TTC34: variants seen among roughly 807,000 people sequenced by gnomAD.
The protein encoded by TTC34 is tetratricopeptide repeat domain 34.
In TTC34, 44 loss-of-function variants were observed where a neutral mutation model predicts 40.7. The ratio of observed to expected loss-of-function variants is 1.08; its 90% CI spans 0.85 to 1.39. The LOEUF (loss-of-function observed/expected upper bound fraction) is 1.39. TTC34 is among the 40% of genes most tolerant of loss of function. The pLI is 0.00. For missense variants in TTC34, 884 were observed against 838.0 expected (o/e 1.05, Z -0.68); for synonymous variants, 422 against 398.6 (o/e 1.06, Z -0.70).
At chr1:2,693,988 A>C (rs199618699) in intron 6 of TTC34, among the ~76,000 whole-genome samples, 630 of 18,640 alleles carry the variant, frequency 0.034, 2 homozygotes, top group Middle Eastern at 0.071. Flanking sequence ...GCACGCACAC[A>C]CCCAGGTGAG....
intron 6 of TTC34, among the ~76,000 whole-genome samples, chr1:2,748,975 T>C (rs1641231692): frequency 1.7e-5 from 2 of 120,864 alleles, no homozygotes; most frequent in African/African-American, 3.5e-5. Flanking sequence ...CAGGTGAGCA[T>C]CTGACGGCCT....
chr1:2,648,810 T>C (rs981153082), intron 6 of TTC34, among the ~76,000 whole-genome samples: 8 of 140,988 alleles, frequency 5.7e-5, no homozygotes, highest in Non-Finnish European at 1.2e-4. Flanking sequence ...CACAGGTGAG[T>C]GTGGGACAGA....
chr1:2,659,536 C>CGA (rs1639464097), intron 6 of TTC34, among the ~76,000 whole-genome samples: 1 of 107,706 alleles, frequency 9.3e-6, no homozygotes, highest in Non-Finnish European at 2.1e-5. Context: ...ACCCATGGAG[C>CGA]AGCACACACG....
intron 6 of TTC34, among the ~76,000 whole-genome samples, chr1:2,759,619 GCCTGGA>G (rs1641625332): frequency 6.6e-6 from 1 of 152,146 alleles, no homozygotes; most frequent in African/African-American, 2.4e-5. Context: ...GCATCCGCCA[GCCTGGA>G]ACAGCACCCA....
At position 2,645,600 on chromosome 1, in the gene TTC34, C is replaced by T; in HGVS notation, c.2227-37G>A. On this transcript the variant is annotated intron_variant, in intron 6 of 8. Transcript: ENST00000401095. This position sits in a 1 kb window ranked among gnomAD's most constrained non-coding sequence, Gnocchi z 4.7. ...GAGGGCGGGCGGGTGCAGAGTTGTCCTAAGTAGAGAAACTGGGCAGAGGGT... is the reference window on the plus strand; with the variant it reads ...GAGGGCGGGCGGGTGCAGAGTTGTCTTAAGTAGAGAAACTGGGCAGAGGGT... 1.4e-6 allele frequency: 2 copies of T among 1,442,322 alleles called. No homozygotes were observed. The highest frequency in any genetic ancestry group is 1.8e-6 in the Non-Finnish European group (2 of 1,100,838). 89.3% of individuals were successfully genotyped at this position (1,442,322 alleles called of 1,614,324 possible). A position where few individuals can be genotyped will look rare whatever the true frequency, so the allele number is the denominator to read the frequency against.
chr1:2,692,605 G>GGCTAGAACAGCA (rs1640675659), intron 6 of TTC34, among the ~76,000 whole-genome samples: 1 of 148,074 alleles, frequency 6.8e-6, no homozygotes, highest in Non-Finnish European at 1.5e-5. Flanking sequence ...GCATCTGACT[G>GGCTAGAACAGCA]CCTGGAACAG....
chr1:2,687,999 A>T (rs1293393105), intron 6 of TTC34, among the ~76,000 whole-genome samples: 5 of 104,496 alleles, frequency 4.8e-5, no homozygotes, highest in Non-Finnish European at 8.1e-5. Flanking sequence ...CTGGAACAGG[A>T]CCCACACCCC....
At position 2,694,610 on chromosome 1, in the gene TTC34, A is replaced by C. The variant is rs569299596; in HGVS notation, c.2227-49047T>G. On this transcript the variant is annotated intron_variant, in intron 6 of 8. Coordinates refer to ENST00000401095, the Ensembl canonical transcript of TTC34. ...CCACACCCACAGGCGAGCATCTGAA[A>C]CCACGGAGCAGCACCCACACCTCCC... Among the ~76,000 whole-genome samples, 42 of 41,704 alleles carry C rather than the reference A, an allele frequency of 1.0e-3. 5 individuals carry two copies. In the South Asian group the frequency reaches 0.017, roughly 17 times the overall value. The allele number at this position is 41,704 out of a possible 152,430, so 27.4% of individuals were successfully genotyped here. A position where few individuals can be genotyped will look rare whatever the true frequency, so the allele number is the denominator to read the frequency against.
Position 2,786,023 on chromosome 1 carries a change from AC to A in TTC34, c.1855-1del, listed in dbSNP as rs769561711. ...CCAGACTGGACCAGCTTCTTCACCAACTGCAAGGGTGCCACAGTCACTGCCC... is the reference window on the plus strand; with the variant it reads ...CCAGACTGGACCAGCTTCTTCACCAATGCAAGGGTGCCACAGTCACTGCCC... On this transcript the variant is annotated splice_acceptor_variant, in intron 4 of 8. Transcript: ENST00000401095. LOFTEE classifies it high-confidence loss of function. 43 of 1,461,220 alleles carry A rather than the reference AC, an allele frequency of 2.9e-5. No individual in the cohort carries two copies. The highest frequency in any genetic ancestry group is 3.8e-5 in the Non-Finnish European group (42 of 1,098,272). 90.5% of individuals were successfully genotyped at this position (1,461,220 alleles called of 1,614,324 possible).
At chr1:2,761,283 C>A (rs1290152119) in intron 6 of TTC34, among the ~76,000 whole-genome samples, 1 of 66,202 alleles carries the variant, frequency 1.5e-5, no homozygotes, top group Non-Finnish European at 2.6e-5. Flanking sequence ...AGCACCCACT[C>A]CCGCAGGTGA....
At chr1:2,680,259 ACCCCCAGGCGAGCATCTG>A (rs1340881152) in intron 6 of TTC34, among the ~76,000 whole-genome samples, 4 of 74,588 alleles carry the variant, frequency 5.4e-5, no homozygotes. Flanking sequence ...CAGCACCCAC[ACCCCCAGGCGAGCATCTG>A]ACCGAACGGA....
chr1:2,777,337 C>T (rs1430339795), intron 6 of TTC34, among the ~76,000 whole-genome samples: 1 of 150,036 alleles, frequency 6.7e-6, no homozygotes. Flanking sequence ...CCCACACCTC[C>T]AGGGGGAGCA....
chr1:2,752,565 C>A (rs1339899796), intron 6 of TTC34, among the ~76,000 whole-genome samples: 1 of 98,190 alleles, frequency 1.0e-5, no homozygotes, highest in Non-Finnish European at 1.9e-5. Context: ...TGGAACAGCA[C>A]CTTGCACCCC....
intron 6 of TTC34, among the ~76,000 whole-genome samples, chr1:2,658,649 G>A (rs1639438916): frequency 3.8e-5 from 3 of 79,970 alleles, no homozygotes; most frequent in African/African-American, 1.1e-4. Context: ...CTGACAGCCT[G>A]GAACAGCACC....
At chr1:2,752,116 AGCAACACCCACGCCCCCAGGTGC>A (rs1641339605) in intron 6 of TTC34, among the ~76,000 whole-genome samples, 1 of 104,808 alleles carries the variant, frequency 9.5e-6, no homozygotes, top group Admixed American at 1.0e-4. Flanking sequence ...GACAGCCTGG[AGCAACACCCACGCCCCCAGGTGC>A]GCATGTGATG....
intron 6 of TTC34, among the ~76,000 whole-genome samples, chr1:2,779,256 A>G (rs530363095): frequency 6.6e-6 from 1 of 151,988 alleles, no homozygotes; most frequent in Admixed American, 6.5e-5. Context: ...TCTCTAAAAG[A>G]CCCTACTTCC....
intron 6 of TTC34, among the ~76,000 whole-genome samples, chr1:2,694,918 G>T (rs956481473): frequency 2.2e-5 from 3 of 139,446 alleles, no homozygotes; most frequent in African/African-American, 8.1e-5. Flanking sequence ...ACACACTCAC[G>T]CGAGCACCTG....
chr1:2,687,726 C>T (rs1453147912), intron 6 of TTC34, among the ~76,000 whole-genome samples: 11 of 140,356 alleles, frequency 7.8e-5, no homozygotes, highest in Non-Finnish European at 1.4e-4. Flanking sequence ...AGCACCCACA[C>T]CCCCAGGTGA....
chr1:2,780,858 T>A (rs563050447), intron 6 of TTC34, among the ~76,000 whole-genome samples: 5 of 152,342 alleles, frequency 3.3e-5, no homozygotes, highest in African/African-American at 1.2e-4. Flanking sequence ...AATACTGACG[T>A]CTTACCAACA....
Sources: gnomAD v4.1 joint callset for allele counts (sites outside exome capture counted in the v4.1 genomes callset) on GRCh38, gnomAD v4.1.1 for gene constraint, Gnocchi (gnomAD v3.1) non-coding constraint, MANE v1.5 for transcripts, NCBI Gene and HGNC (gene_info 2026-07-23, HGNC 2026-07-21) for gene names.